Variants in CA8 observed in about 807,000 individuals in gnomAD.
CA8 encodes the protein carbonic anhydrase-related protein.
CA8 carries 22 observed loss-of-function variants against 41.4 expected under a neutral mutation model. That is an observed-to-expected ratio of 0.53 (90% CI 0.38 to 0.76). The LOEUF (loss-of-function observed/expected upper bound fraction) is 0.76, where lower values mean the gene tolerates loss of function less well. Ranked by LOEUF, CA8 falls within the 30% of genes least tolerant of loss-of-function variation. The pLI is 0.00. For synonymous variants in CA8, 121 were observed against 130.6 expected (o/e 0.93, Z 0.50); for missense variants, 270 against 352.8 (o/e 0.77, Z 1.88).
rs757024364 is a variant in CA8 at position 60,279,807 on chromosome 8, C to A, written c.174G>T (p.Glu58Asp). The change falls in exon 2 of 9, where the codon GAG (glutamate) becomes GAT (aspartate). Residue 58 changes from glutamate to aspartate, a missense_variant. By Grantham distance (45) the Glu-to-Asp change is conservative. Coordinates refer to ENST00000317995, the MANE Select transcript of CA8 (RefSeq NM_004056.6). ...YQSPINLNSR[E>D]ARYDPSLLDV... Reference sequence around the variant, plus strand: ...CCAACAGCGAGGGGTCATACCTAGCCTCTCTTGAGTTTAGGTTAATAGGAG... The same window carrying A: ...CCAACAGCGAGGGGTCATACCTAGCATCTCTTGAGTTTAGGTTAATAGGAG... The A allele has an allele frequency of 6.8e-6, 11 of 1,614,016 alleles. No homozygotes were observed. Among genetic ancestry groups the A allele is most frequent in the Non-Finnish European group, 6.8e-6 (8 of 1,180,028 alleles).
At chr8:60,201,380 AGGACTCCAACATTAAGT>A (rs1284261011) in intron 8 of CA8, among the ~76,000 whole-genome samples, 1 of 152,228 alleles carries the variant, frequency 6.6e-6, no homozygotes, top group African/African-American at 2.4e-5. Flanking sequence ...CTGAACCATG[AGGACTCCAACATTAAGT>A]GGACTCCAAC....
At chr8:60,267,285 A>T (rs762520483) in intron 2 of CA8, among the ~76,000 whole-genome samples, 2 of 152,342 alleles carry the variant, frequency 1.3e-5, no homozygotes, top group Non-Finnish European at 2.9e-5. Flanking sequence ...AAATGAGGCT[A>T]TTAGACACAA....
At chr8:60,203,548 AT>A (rs1806493671) in intron 8 of CA8, among the ~76,000 whole-genome samples, 1 of 152,078 alleles carries the variant, frequency 6.6e-6, no homozygotes, top group South Asian at 2.1e-4. Context: ...TTTTCCCTCT[AT>A]TTTTAAGATT....
At chr8:60,220,986 C>T (rs558307823) in intron 7 of CA8, among the ~76,000 whole-genome samples, 2 of 152,248 alleles carry the variant, frequency 1.3e-5, no homozygotes, top group South Asian at 2.1e-4. Context: ...CAGAGAAAAG[C>T]CTTCACTGCG....
At chr8:60,242,023 C>T (rs563567095) in intron 3 of CA8, among the ~76,000 whole-genome samples, 16 of 152,298 alleles carry the variant, frequency 1.1e-4, no homozygotes, top group African/African-American at 3.9e-4. Context: ...TTATTGAGCA[C>T]CGACAGTATC....
chr8:60,227,503 T>C (rs554496420), intron 4 of CA8, among the ~76,000 whole-genome samples: 14 of 151,120 alleles, frequency 9.3e-5, no homozygotes, highest in African/African-American at 9.7e-5. Context: ...CTCACTTTGC[T>C]ATATGTAGTA....
At chr8:60,269,253 AC>A (rs201796964) in intron 2 of CA8, among the ~76,000 whole-genome samples, 1,532 of 152,272 alleles carry the variant, frequency 0.01, 21 homozygotes, top group African/African-American at 0.035. Context: ...AAATAAAAAA[AC>A]AAATCATCTC....
intron 2 of CA8, among the ~76,000 whole-genome samples, chr8:60,275,302 T>C (rs1275729108): frequency 6.6e-6 from 1 of 152,086 alleles, no homozygotes. Context: ...CAAAGATCAC[T>C]GGACTTTTGA....
intron 2 of CA8, among the ~76,000 whole-genome samples, chr8:60,276,014 T>G (rs575119548): frequency 2.8e-4 from 43 of 152,286 alleles, no homozygotes; most frequent in Non-Finnish European, 5.9e-5. Flanking sequence ...GTGTGAAGTA[T>G]AATAAAGACA....
chr8:60,217,058 A>G (rs968480860), intron 7 of CA8, among the ~76,000 whole-genome samples: 2 of 151,954 alleles, frequency 1.3e-5, no homozygotes, highest in East Asian at 1.9e-4. Context: ...TAATTTTTGT[A>G]TCTTTAGTAG....
rs903224848 is a variant in CA8, at chr8:60,189,671, A to G, written c.*350T>C. 1 of 152,532 alleles carries G rather than the reference A, an allele frequency of 6.6e-6. No homozygotes were observed. The highest frequency in any genetic ancestry group is 1.5e-5 in the Non-Finnish European group (1 of 68,002). The allele number at this position is 152,532 out of a possible 1,614,324, so 9.4% of individuals were successfully genotyped here. ...GGGAATGTATTTTTCCTTTCTCAAT[A>G]TTAACACATGATATATATTCATATT... On this transcript the variant is annotated 3_prime_UTR_variant, in exon 9 of 9. Transcript: ENST00000317995.
At chr8:60,237,822 T>C (rs1401362394) in intron 3 of CA8, among the ~76,000 whole-genome samples, 1 of 152,222 alleles carries the variant, frequency 6.6e-6, no homozygotes. Flanking sequence ...TCCGTAACAA[T>C]TAAAGCTGAG....
chr8:60,226,227 A>G (rs1807433321), intron 5 of CA8, among the ~76,000 whole-genome samples: 1 of 152,158 alleles, frequency 6.6e-6, no homozygotes, highest in South Asian at 2.1e-4. Context: ...AACCCTGCAC[A>G]TCCCATATAA....
intron 4 of CA8, 83 bp from the exon 5 acceptor site, chr8:60,227,018 G>T: frequency 1.0e-6 from 1 of 977,018 alleles, no homozygotes; most frequent in Non-Finnish European, 1.7e-6. Context: ...AGGGCTGAGT[G>T]TGGTGGCTCA....
intron 8 of CA8, among the ~76,000 whole-genome samples, chr8:60,197,646 A>ATT (rs1806318687): frequency 6.6e-6 from 1 of 152,030 alleles, no homozygotes; most frequent in Non-Finnish European, 1.5e-5. Context: ...ATCCATCACA[A>ATT]CCCCCAGTGC....
intron 7 of CA8, among the ~76,000 whole-genome samples, chr8:60,216,341 C>A (rs1001348825): frequency 1.3e-5 from 2 of 152,138 alleles, no homozygotes; most frequent in East Asian, 1.9e-4. Flanking sequence ...TTTTAATATA[C>A]GTAAATGTGT....
chr8:60,266,024 T>C lies in CA8; in HGVS notation c.318A>G (p.Gln106=). 1.2e-6 allele frequency: 2 copies of C among 1,613,776 alleles called. No homozygotes were observed. Among genetic ancestry groups the C allele is most frequent in the Non-Finnish European group, 1.7e-6 (2 of 1,179,686 alleles). Residue 106 remains glutamine (Q), a synonymous_variant, in exon 3 of 9, where the codon CAA becomes CAG. Coordinates refer to ENST00000317995, the MANE Select transcript of CA8 (RefSeq NM_004056.6). Reference sequence around the variant, plus strand: ...CTTCGTACAGTTCAAATTCATGCCCTTGAGGCAATGGTCCTCCCGAAAGAA... The same window carrying C: ...CTTCGTACAGTTCAAATTCATGCCCCTGAGGCAATGGTCCTCCCGAAAGAA... The part of the protein sequence containing the change: ...KSVLSGGPLP[Q]GHEFELYEVR...
In CA8 at chr8:60,265,970, CT is replaced by C. The variant is rs1335015442; in HGVS notation, c.371del (p.Gln124ArgfsTer19). The C allele has an allele frequency of 6.2e-7, 1 of 1,613,940 alleles. No individual in the cohort carries two copies. Among genetic ancestry groups the C allele is most frequent in the Non-Finnish European group, 8.5e-7 (1 of 1,179,894 alleles). Reference sequence around the variant, plus strand: ...AATTAACCGTGTGCTCAGAACCACGCTGGTTTTCTCTTCCCCAGTGAAATCT... The same window carrying C: ...AATTAACCGTGTGCTCAGAACCACGCGGTTTTCTCTTCCCCAGTGAAATCT... ...EVRFHWGREN[Q>X]RGSEHTVNFK... On this transcript the variant is annotated frameshift_variant, in exon 3 of 9. Transcript: ENST00000317995. LOFTEE classifies it high-confidence loss of function.
chr8:60,213,331 T>A (rs1806904396), intron 7 of CA8, among the ~76,000 whole-genome samples: 1 of 152,134 alleles, frequency 6.6e-6, no homozygotes, highest in Non-Finnish European at 1.5e-5. Context: ...CTCAAGAGAG[T>A]TTCTGAGCCA....
Sources: allele counts gnomAD v4.1 joint callset (sites outside exome capture counted in the v4.1 genomes callset), GRCh38; gene constraint gnomAD v4.1.1; transcripts MANE v1.5; gene names NCBI Gene and HGNC (gene_info 2026-07-23, HGNC 2026-07-21).